PCDHA3: variants seen among roughly 807,000 people sequenced by gnomAD.
PCDHA3 encodes protocadherin alpha 3, also known as protocadherin alpha-3.
In PCDHA3, 41 loss-of-function variants were observed where a neutral mutation model predicts 62.2. The observed-to-expected ratio is 0.66, with a 90% CI of 0.51 to 0.86. PCDHA3 has a LOEUF of 0.86. Ranked by LOEUF, PCDHA3 falls within the 40% of genes least tolerant of loss-of-function variation. The pLI is 0.00. For missense variants in PCDHA3, 1,304 were observed against 1,241.2 expected (o/e 1.05, Z -0.76); for synonymous variants, 640 against 555.4 (o/e 1.15, Z -2.14).
chr5:140,863,308 G>T (rs782229195), intron 1 of PCDHA3: 3 of 1,462,294 alleles, frequency 2.1e-6, no homozygotes, highest in Non-Finnish European at 1.9e-6. Context: ...CGCCATCTGC[G>T]TGGTGTCCAG....
At chr5:140,886,905 A>G (rs2061220299) in intron 1 of PCDHA3, among the ~76,000 whole-genome samples, 2 of 152,010 alleles carry the variant, frequency 1.3e-5, no homozygotes, top group Admixed American at 1.3e-4. Flanking sequence ...TTTAATAAAT[A>G]CTTATTGAGT....
chr5:140,825,571 T>C (rs1196041650), intron 1 of PCDHA3: 1 of 151,826 alleles, frequency 6.6e-6, no homozygotes, highest in African/African-American at 2.4e-5. Flanking sequence ...ATTACAGGCA[T>C]GTGCCCACAC....
intron 1 of PCDHA3, chr5:140,876,583 C>T: frequency 1.9e-6 from 3 of 1,614,194 alleles, no homozygotes; most frequent in Non-Finnish European, 2.5e-6. Flanking sequence ...CGTCATTGCC[C>T]TGATTAGCGT....
chr5:140,972,479 C>T (rs782631191), intron 1 of PCDHA3, among the ~76,000 whole-genome samples: 1 of 151,994 alleles, frequency 6.6e-6, no homozygotes, highest in Non-Finnish European at 1.5e-5. Flanking sequence ...CAGCATTTAA[C>T]CCCAGACTCT....
chr5:140,886,841 A>G lies in PCDHA3; in HGVS notation c.2394+83250A>G, dbSNP rs11748230. ...GACTTCGTCTTGAAAAAAAAAAAAA[A>G]AAAAAAGAAAGGTCTTCCCAACTCC... is the stretch of plus-strand genomic sequence containing the variant. On this transcript the variant is annotated intron_variant, in intron 1 of 3. Transcript: ENST00000522353. Among the ~76,000 whole-genome samples the G allele has an allele frequency of 9.0e-3, 1,368 of 151,662 alleles. 8 individuals are homozygous for G. Among genetic ancestry groups the G allele is most frequent in the Non-Finnish European group, 0.016 (1,078 of 67,864 alleles).
intron 1 of PCDHA3, among the ~76,000 whole-genome samples, chr5:140,881,178 G>A (rs924852150): frequency 2.0e-5 from 3 of 152,098 alleles, no homozygotes; most frequent in African/African-American, 7.2e-5. Flanking sequence ...TCTTTTCCTT[G>A]CTAAAGATAT....
chr5:140,921,932 TAATTTTACACTTGTAA>T (rs781950121), intron 1 of PCDHA3, among the ~76,000 whole-genome samples: 10 of 152,080 alleles, frequency 6.6e-5, no homozygotes, highest in Non-Finnish European at 1.5e-4. Flanking sequence ...ATAGTCAATA[TAATTTTACACTTGTAA>T]AATCCCAGAA....
In PCDHA3 at chr5:140,848,765, C is replaced by A; in HGVS notation, c.2394+45174C>A. ...GCATTTTGTTTGTGAATTCTCGGAT[C>A]GACCGCGAGGAGCTGTGCGGGCGGA... On this transcript the variant is annotated intron_variant, in intron 1 of 3. Coordinates refer to ENST00000522353, the MANE Select transcript of PCDHA3 (RefSeq NM_018906.3). 3.8e-6 allele frequency: 6 copies of A among 1,593,356 alleles called. 1 individual carries two copies. The highest frequency in any genetic ancestry group is 2.2e-5 in the South Asian group (2 of 90,232).
rs782334415 is a variant in PCDHA3 at position 141,009,744 on chromosome 5, A to T, written c.2660A>T (p.Lys887Ile). 8.1e-6 allele frequency: 13 copies of T among 1,614,028 alleles called. No homozygotes were observed. Among genetic ancestry groups the T allele is most frequent in the Non-Finnish European group, 1.1e-5 (13 of 1,180,034 alleles). The change falls in exon 4 of 4, where the codon AAA becomes ATA. Residue 887 changes from lysine (K) to isoleucine (I), a missense_variant. Transcript: ENST00000522353. Reference protein sequence around the residue: ...KQSGPGELPDKFIIPGSPAII... With the variant: ...KQSGPGELPDIFIIPGSPAII... ...TCCGGTCCCGGTGAGTTGCCCGACA[A>T]ATTCATTATCCCAGGATCTCCTGCA...
chr5:141,010,321 G>C lies in PCDHA3; in HGVS notation c.*384G>C. On this transcript the variant is annotated 3_prime_UTR_variant, in exon 4 of 4. Transcript: ENST00000522353. Reference sequence around the variant, plus strand: ...GGCTGAAAAGTTTTGAGATTGAGCAGCTTGGGAGTTTGTGGCCACTGGGTA... The same window carrying C: ...GGCTGAAAAGTTTTGAGATTGAGCACCTTGGGAGTTTGTGGCCACTGGGTA... 7 of 1,541,244 alleles carry C rather than the reference G, an allele frequency of 4.5e-6. No homozygotes were observed. In the South Asian group the frequency reaches 8.5e-5, roughly 19 times the overall value.
intron 3 of PCDHA3, among the ~76,000 whole-genome samples, chr5:140,994,802 C>T (rs541054161): frequency 7.9e-5 from 12 of 152,066 alleles, no homozygotes; most frequent in Non-Finnish European, 1.6e-4. Flanking sequence ...CATGCAAAAA[C>T]AAAATACAAA....
At chr5:140,823,863 C>G (rs139591086) in intron 1 of PCDHA3, 4 of 1,613,882 alleles carry the variant, frequency 2.5e-6, no homozygotes, top group Admixed American at 3.3e-5. Context: ...TGGATGTCAA[C>G]GTGTACCTGA....
At position 141,005,925 on chromosome 5, in the gene PCDHA3, T is replaced by C. The variant is rs368127914; in HGVS notation, c.2543-3702T>C. On this transcript the variant is annotated intron_variant, in intron 3 of 3. Transcript: ENST00000522353. ...TTGCACCACTGCACTTCAGCCTGGT[T>C]GACAGAGTGAGAACCTATCTCTAAC... 4.1e-4 allele frequency among the ~76,000 whole-genome samples: 62 copies of C among 151,990 alleles called. 1 individual carries two copies. The highest frequency in any genetic ancestry group is 1.4e-3 in the African/African-American group (59 of 41,476).
chr5:140,823,375 G>T, intron 1 of PCDHA3: 1 of 1,612,808 alleles, frequency 6.2e-7, no homozygotes, highest in Non-Finnish European at 8.5e-7. Context: ...GCAGTTCCAG[G>T]TGAGCGCGCG....
At chr5:140,966,808 A>G (rs782040625) in intron 1 of PCDHA3, 5 of 1,548,024 alleles carry the variant, frequency 3.2e-6, no homozygotes, top group Non-Finnish European at 4.3e-6. Context: ...CAGAGCATCC[A>G]CGGCTCCGGC....
intron 1 of PCDHA3, chr5:140,836,741 G>A (rs1554136289): frequency 8.1e-6 from 13 of 1,600,528 alleles, no homozygotes; most frequent in South Asian, 5.6e-5. Flanking sequence ...CAGACAATGT[G>A]AGTCATAAAT....
intron 3 of PCDHA3, among the ~76,000 whole-genome samples, chr5:140,987,698 A>T (rs1213489735): frequency 6.6e-6 from 1 of 152,142 alleles, no homozygotes; most frequent in African/African-American, 2.4e-5. Flanking sequence ...TTTTTAAATG[A>T]TTTTTCCAGG....
intron 1 of PCDHA3, among the ~76,000 whole-genome samples, chr5:140,924,892 C>A: frequency 1.2e-5 from 1 of 82,680 alleles, no homozygotes; most frequent in Admixed American, 1.2e-4. Context: ...AAGAACCTGT[C>A]TCAAAAAAAA....
chr5:140,803,739 G>A (rs182945871), intron 1 of PCDHA3, 148 bp downstream of exon 1: 5 of 1,397,772 alleles, frequency 3.6e-6, no homozygotes, highest in Non-Finnish European at 4.8e-6. Flanking sequence ...TGGTTAAAAC[G>A]GTAAGATTTT....
Sources: allele counts gnomAD v4.1 joint callset (sites outside exome capture counted in the v4.1 genomes callset), GRCh38; gene constraint gnomAD v4.1.1; transcripts MANE v1.5; gene names NCBI Gene and HGNC (gene_info 2026-07-23, HGNC 2026-07-21).